TTC39C: variants seen among roughly 807,000 people sequenced by gnomAD.
TTC39C encodes tetratricopeptide repeat protein 39C.
A neutral mutation model predicts 76.3 loss-of-function variants in TTC39C; 33 were observed. The ratio of observed to expected loss-of-function variants is 0.43; its 90% CI spans 0.33 to 0.58. The LOEUF (loss-of-function observed/expected upper bound fraction) is 0.58. Among genes scored for constraint, TTC39C ranks in the 20% least tolerant of loss-of-function variants. The probability of loss-of-function intolerance (pLI) is 0.04; values close to 1 mark genes in which losing one functional copy is unlikely to be tolerated. For missense variants in TTC39C, 595 were observed against 701.4 expected (o/e 0.85, Z 1.71); for synonymous variants, 254 against 260.6 (o/e 0.97, Z 0.24).
At chr18:23,996,082 A>T (rs1380114185) in intron 1 of TTC39C, among the ~76,000 whole-genome samples, 1 of 152,210 alleles carries the variant, frequency 6.6e-6, no homozygotes, top group Admixed American at 6.5e-5. Flanking sequence ...TGATATTGTC[A>T]CTATGTTTTA....
intron 1 of TTC39C, among the ~76,000 whole-genome samples, chr18:24,058,824 A>G (rs2084052191): frequency 1.3e-5 from 2 of 152,320 alleles, no homozygotes; most frequent in Middle Eastern, 3.4e-3. Flanking sequence ...CCTGATGAGT[A>G]TGGTGGTATC....
chr18:24,034,224 T>C (rs898168412), intron 1 of TTC39C, among the ~76,000 whole-genome samples: 2 of 152,208 alleles, frequency 1.3e-5, no homozygotes, highest in Non-Finnish European at 2.9e-5. Context: ...CTGAAGCTAA[T>C]CCAAACTTCA....
At chr18:24,095,714 CA>C (rs199890072) in intron 6 of TTC39C, among the ~76,000 whole-genome samples, 2 of 151,566 alleles carry the variant, frequency 1.3e-5, no homozygotes, top group Non-Finnish European at 2.9e-5. Flanking sequence ...AACAAACAAA[CA>C]AAAAAAAACT....
chr18:24,060,107 C>G (rs1678385135), intron 1 of TTC39C, among the ~76,000 whole-genome samples: 1 of 152,144 alleles, frequency 6.6e-6, no homozygotes, highest in Non-Finnish European at 1.5e-5. Context: ...CAAACCATAT[C>G]AAATAGTATT....
exon 1 of TTC39C, chr18:23,993,007 T>G (rs1159105850): frequency 6.6e-6 from 1 of 152,242 alleles, no homozygotes; most frequent in Non-Finnish European, 1.5e-5. Context: ...TTCTAAAATC[T>G]TGCTCCTAAG....
In TTC39C at chr18:24,121,942, G is replaced by A. The variant is rs558693202; in HGVS notation, c.1187-1892G>A. Among the ~76,000 whole-genome samples, 3 of 152,220 alleles carry A rather than the reference G, an allele frequency of 2.0e-5. No homozygotes were observed. The South Asian group carries it at 6.2e-4, about 32-fold the overall frequency. On this transcript the variant is annotated intron_variant, in intron 8 of 13. Coordinates refer to ENST00000317571, the MANE Select transcript of TTC39C (RefSeq NM_001135993.2). The stretch of plus-strand genomic sequence containing the variant: ...CAATTGATAAGGTCATTTTGGATTG[G>A]TGCACACTCCTCCATCTGGACCAGA...
chr18:24,072,338 G>C (rs2084251032), intron 4 of TTC39C, among the ~76,000 whole-genome samples: 1 of 151,512 alleles, frequency 6.6e-6, no homozygotes, highest in South Asian at 2.1e-4. Context: ...CTGTCATGCA[G>C]GCTGGAGTGC....
intron 6 of TTC39C, among the ~76,000 whole-genome samples, chr18:24,094,267 T>C (rs2084562414): frequency 6.6e-6 from 1 of 152,226 alleles, no homozygotes; most frequent in Non-Finnish European, 1.5e-5. Flanking sequence ...CAGGCTCCAC[T>C]TCTGATTCTA....
chr18:24,036,652 A>G (rs533419318), intron 1 of TTC39C, among the ~76,000 whole-genome samples: 7 of 152,132 alleles, frequency 4.6e-5, no homozygotes, highest in Admixed American at 2.0e-4. Flanking sequence ...TTTTCTTGAG[A>G]CAGGATCTCA....
intron 1 of TTC39C, among the ~76,000 whole-genome samples, chr18:24,023,552 C>T (rs1028209751): frequency 3.3e-5 from 5 of 152,304 alleles, no homozygotes; most frequent in African/African-American, 1.2e-4. Context: ...ACAAGGAGGC[C>T]AGCCCAACTG....
chr18:24,126,727 A>G (rs1252800764), intron 10 of TTC39C, among the ~76,000 whole-genome samples: 3 of 151,938 alleles, frequency 2.0e-5, no homozygotes, highest in African/African-American at 7.3e-5. Flanking sequence ...AACTCACTGC[A>G]GCCTCAAACT....
chr18:24,047,675 TAAC>T (rs1477409996), intron 1 of TTC39C, among the ~76,000 whole-genome samples: 1 of 152,170 alleles, frequency 6.6e-6, no homozygotes, highest in Non-Finnish European at 1.5e-5. Context: ...CCTATGCTTG[TAAC>T]AACAGCAAAA....
intron 8 of TTC39C, chr18:24,123,489 C>T (rs1409128361): frequency 5.5e-6 from 1 of 183,420 alleles, no homozygotes; most frequent in Non-Finnish European, 1.1e-5. Flanking sequence ...TCATTGCAAC[C>T]TCTGCCTCCT....
chr18:24,018,727 A>G (rs551925385), intron 1 of TTC39C, among the ~76,000 whole-genome samples: 4 of 152,206 alleles, frequency 2.6e-5, no homozygotes, highest in African/African-American at 9.6e-5. Flanking sequence ...GAAAAGGAGA[A>G]TGTGAGAGGT....
intron 1 of TTC39C, among the ~76,000 whole-genome samples, chr18:23,993,581 CT>C (rs1315062708): frequency 1.3e-5 from 2 of 152,122 alleles, no homozygotes; most frequent in Non-Finnish European, 2.9e-5. Flanking sequence ...TTCATTAAAT[CT>C]TGTATAAAGA....
intron 1 of TTC39C, among the ~76,000 whole-genome samples, chr18:23,995,784 C>T (rs566883844): frequency 2.0e-5 from 3 of 151,962 alleles, no homozygotes; most frequent in African/African-American, 7.3e-5. Context: ...GTGGGAGGAT[C>T]GCTTGAGCCC....
chr18:24,035,919 G>C (rs1198515968), intron 1 of TTC39C, among the ~76,000 whole-genome samples: 1 of 152,012 alleles, frequency 6.6e-6, no homozygotes, highest in Non-Finnish European at 1.5e-5. Flanking sequence ...CAACTCTAAT[G>C]CTTAGGTCTT....
chr18:24,104,896 A>G (rs75893132), intron 6 of TTC39C, among the ~76,000 whole-genome samples: 1,906 of 152,264 alleles, frequency 0.013, 19 homozygotes, highest in East Asian at 0.077. Flanking sequence ...CCACATCCCC[A>G]GTAGTATTAA....
chr18:24,101,557 CAAA>C (rs11298002), intron 6 of TTC39C, among the ~76,000 whole-genome samples: 3 of 146,176 alleles, frequency 2.1e-5, no homozygotes, highest in Non-Finnish European at 4.5e-5. Flanking sequence ...GACTCCGTCT[CAAA>C]AAAAAAAAAA....
Sources: gnomAD v4.1 joint callset for allele counts (sites outside exome capture counted in the v4.1 genomes callset) on GRCh38, gnomAD v4.1.1 for gene constraint, MANE v1.5 for transcripts, NCBI Gene and HGNC (gene_info 2026-07-23, HGNC 2026-07-21) for gene names.